RYR2: variants seen among roughly 807,000 people sequenced by gnomAD.
RYR2 encodes the protein ryanodine receptor 2.
RYR2 carries 227 observed loss-of-function variants against 601.1 expected under a neutral mutation model. The ratio of observed to expected loss-of-function variants is 0.38; its 90% CI spans 0.34 to 0.42. The LOEUF (loss-of-function observed/expected upper bound fraction) is 0.42, where lower values mean the gene tolerates loss of function less well. Among genes scored for constraint, RYR2 ranks in the 10% least tolerant of loss-of-function variants. The pLI, the probability that RYR2 is intolerant of heterozygous loss-of-function variation, is 1.00. For synonymous variants in RYR2, 2,223 were observed against 2,175.1 expected, an observed-to-expected ratio of 1.02 and a Z score of -0.61; for missense variants, 4,646 against 6,156.5, an observed-to-expected ratio of 0.75 and a Z score of 8.21.
chr1:237,130,506 G>C (rs1672045340), intron 1 of RYR2, among the ~76,000 whole-genome samples: 1 of 152,138 alleles, frequency 6.6e-6, no homozygotes, highest in Non-Finnish European at 1.5e-5. Context: ...GAGGTCAGGA[G>C]TTCGAGACCA....
chr1:237,127,793 C>T (rs567408354), intron 1 of RYR2, among the ~76,000 whole-genome samples: 2,188 of 151,284 alleles, frequency 0.014, 55 homozygotes, highest in African/African-American at 0.048. Context: ...AATGGGCGGC[C>T]GGGCAGAGAC....
chr1:237,454,065 G>T (rs16835265), intron 14 of RYR2, among the ~76,000 whole-genome samples: 9 of 152,148 alleles, frequency 5.9e-5, no homozygotes, highest in Non-Finnish European at 1.3e-4. Context: ...GAAGCCTGAA[G>T]CCTTAAAGTG....
rs1692204119 is a variant in RYR2, at chr1:237,291,652, G to A, written c.168+21036G>A. On this transcript the variant is annotated intron_variant, in intron 2 of 104. Transcript: ENST00000366574. ...GAAAAGACATGGAGGAACCTTAAAT[G>A]CATGTCACTAAGTGAAAGAAGCCAA... Among the ~76,000 whole-genome samples, 3 of 152,258 alleles carry A rather than the reference G, an allele frequency of 2.0e-5. No individual in the cohort carries two copies. The South Asian group carries it at 6.2e-4, about 32-fold the overall frequency.
intron 4 of RYR2, among the ~76,000 whole-genome samples, chr1:237,363,114 T>G (rs186526537): frequency 3.3e-5 from 5 of 152,060 alleles, no homozygotes; most frequent in African/African-American, 1.2e-4. Context: ...GAAGAAAGTA[T>G]CTCTTCACAA....
At chr1:237,115,661 A>G (rs1669992442) in intron 1 of RYR2, among the ~76,000 whole-genome samples, 1 of 152,208 alleles carries the variant, frequency 6.6e-6, no homozygotes, top group South Asian at 2.1e-4. Flanking sequence ...AAACAGTGGA[A>G]GTCAGCTCTG....
At chr1:237,254,352 A>C (rs1687749240) in intron 1 of RYR2, among the ~76,000 whole-genome samples, 1 of 152,214 alleles carries the variant, frequency 6.6e-6, no homozygotes, top group South Asian at 2.1e-4. Context: ...TTTTGGATAG[A>C]GAGATTTAGG....
At chr1:237,259,716 G>A (rs1688338695) in intron 1 of RYR2, among the ~76,000 whole-genome samples, 1 of 152,036 alleles carries the variant, frequency 6.6e-6, no homozygotes, top group African/African-American at 2.4e-5. Context: ...GCACATGGGG[G>A]GAATTCGTTC....
At chr1:237,728,332 A>G (rs1690367831) in intron 76 of RYR2, among the ~76,000 whole-genome samples, 1 of 152,144 alleles carries the variant, frequency 6.6e-6, no homozygotes, top group African/African-American at 2.4e-5. Flanking sequence ...CTACTTCTCA[A>G]TTCTCTGACT....
chr1:237,118,925 G>A (rs1670447387), intron 1 of RYR2, among the ~76,000 whole-genome samples: 1 of 151,684 alleles, frequency 6.6e-6, no homozygotes, highest in Non-Finnish European at 1.5e-5. Flanking sequence ...CGTGAAAAAG[G>A]AAAAACCCCT....
intron 1 of RYR2, among the ~76,000 whole-genome samples, chr1:237,252,667 T>C (rs768017615): frequency 2.5e-4 from 38 of 152,192 alleles, no homozygotes; most frequent in Non-Finnish European, 4.7e-4. Context: ...ATTCTGGTAA[T>C]TGTTTCCTGG....
Position 237,649,985 on chromosome 1 carries a change from C to A in RYR2, c.7621C>A (p.His2541Asn), listed in dbSNP as rs763814352. The change falls in exon 50 of 105, where the codon CAC (histidine) becomes AAC (asparagine). Residue 2541 changes from histidine to asparagine, a missense_variant. His to Asn is a moderately conservative substitution (Grantham distance 68). This residue lies in a region of RYR2 where 1,497 missense variants were observed against 1,842.6 expected (regional missense o/e 0.81). Transcript: ENST00000366574. ...TCCTCTCTTTGCTGGCACAGAGCAC[C>A]ACGCTTCTCTCATTGACTCATTACT... Reference protein sequence around the residue: ...CAPLFAGTEHHASLIDSLLHT... With the variant: ...CAPLFAGTEHNASLIDSLLHT... The A allele has an allele frequency of 1.9e-6, 3 of 1,613,980 alleles. No homozygotes were observed. In the Admixed American group the frequency reaches 5.0e-5, roughly 27 times the overall value.
At chr1:237,540,351 T>G (rs1669119521) in intron 25 of RYR2, among the ~76,000 whole-genome samples, 1 of 152,160 alleles carries the variant, frequency 6.6e-6, no homozygotes, top group Non-Finnish European at 1.5e-5. Context: ...AACTTTCATT[T>G]AGCACTTATC....
chr1:237,824,169 T>C (rs1283177315), intron 101 of RYR2, among the ~76,000 whole-genome samples: 2 of 152,102 alleles, frequency 1.3e-5, no homozygotes, highest in African/African-American at 4.8e-5. Flanking sequence ...TCTCCCTAAC[T>C]CATATTATGA....
chr1:237,141,779 A>G (rs1019271639), intron 1 of RYR2, among the ~76,000 whole-genome samples: 1 of 152,228 alleles, frequency 6.6e-6, no homozygotes, highest in South Asian at 2.1e-4. Flanking sequence ...TCTTTTTGCT[A>G]TGTTCCCGGA....
In RYR2 at chr1:237,566,591, G is replaced by A; in HGVS notation, c.3239G>A (p.Gly1080Asp). 1 of 1,613,962 alleles carries A rather than the reference G, an allele frequency of 6.2e-7. No homozygotes were observed. Among genetic ancestry groups the A allele is most frequent in the Non-Finnish European group, 8.5e-7 (1 of 1,179,864 alleles). The change falls in exon 28 of 105, where the codon GGC (glycine) becomes GAC (aspartate). Residue 1080 changes from glycine (G) to aspartate (D), a missense_variant. Gly to Asp is a moderately conservative substitution (Grantham distance 94). This residue lies in a region of RYR2 where 1,807 missense variants were observed against 2,088.1 expected (regional missense o/e 0.87). Coordinates refer to ENST00000366574, the MANE Select transcript of RYR2 (RefSeq NM_001035.3). ...GCAGCCAGAGCCGAAGTGTGCAGCG[G>A]CACCGGGGAAAGGTTCCGAATCTTC... ...DHAARAEVCS[G>D]TGERFRIFRA...
chr1:237,420,505 T>G (rs1705451742), intron 11 of RYR2, among the ~76,000 whole-genome samples: 1 of 150,714 alleles, frequency 6.6e-6, no homozygotes, highest in Non-Finnish European at 1.5e-5. Flanking sequence ...TTACTACATA[T>G]GATTTTCTTG....
At chr1:237,772,714 T>C (rs113579822) in intron 86 of RYR2, among the ~76,000 whole-genome samples, 1 of 152,150 alleles carries the variant, frequency 6.6e-6, no homozygotes, top group African/African-American at 2.4e-5. Flanking sequence ...AAACTATAAA[T>C]GCAGACTTTC....
chr1:237,216,706 A>C (rs1218675565), intron 1 of RYR2, among the ~76,000 whole-genome samples: 1 of 151,570 alleles, frequency 6.6e-6, no homozygotes, highest in Non-Finnish European at 1.5e-5. Context: ...ATTGCACTCC[A>C]GCTTGGGCGA....
At chr1:237,370,245 G>A (rs1700533693) in intron 6 of RYR2, among the ~76,000 whole-genome samples, 1 of 151,922 alleles carries the variant, frequency 6.6e-6, no homozygotes, top group Non-Finnish European at 1.5e-5. Context: ...GGAGTTAGGG[G>A]TGCCAATCTC....
Sources: allele counts gnomAD v4.1 joint callset (sites outside exome capture counted in the v4.1 genomes callset), GRCh38; gene constraint gnomAD v4.1.1; regional missense constraint gnomAD v4.1.1; transcripts MANE v1.5; gene names NCBI Gene and HGNC (gene_info 2026-07-23, HGNC 2026-07-21).